NMNAT3: variants seen among roughly 807,000 people sequenced by gnomAD.
NMNAT3 encodes nicotinamide nucleotide adenylyltransferase 3.
In NMNAT3, 21 loss-of-function variants were observed where a neutral mutation model predicts 24.8. That is an observed-to-expected ratio of 0.85 (90% CI 0.60 to 1.22). NMNAT3 has a LOEUF of 1.22. Ranked by LOEUF, NMNAT3 falls within the 50% of genes most tolerant of loss-of-function variation. NMNAT3 has a pLI of 0.00. For synonymous variants in NMNAT3, 136 were observed against 155.2 expected (o/e 0.88, Z 0.92); for missense variants, 387 against 436.6 (o/e 0.89, Z 1.01).
intron 3 of NMNAT3, among the ~76,000 whole-genome samples, chr3:139,596,833 T>TTCAGGTTAG (rs568552849): frequency 1.9e-3 from 283 of 150,282 alleles, no homozygotes; most frequent in Non-Finnish European, 2.8e-3. Flanking sequence ...ATGTATATGG[T>TTCAGGTTAG]TCAGGTTAGT....
chr3:139,640,670 G>A (rs561134561), intron 1 of NMNAT3, among the ~76,000 whole-genome samples: 2 of 152,282 alleles, frequency 1.3e-5, no homozygotes, highest in South Asian at 2.1e-4. Context: ...GGAGGTGCAG[G>A]CAAGAGACAT....
At chr3:139,660,674 A>C (rs2057386245) in intron 1 of NMNAT3, among the ~76,000 whole-genome samples, 1 of 152,216 alleles carries the variant, frequency 6.6e-6, no homozygotes, top group African/African-American at 2.4e-5. Flanking sequence ...TATTAAAGAT[A>C]CTCAACACAG....
At chr3:139,639,929 C>T (rs773509887) in intron 1 of NMNAT3, among the ~76,000 whole-genome samples, 2 of 152,106 alleles carry the variant, frequency 1.3e-5, no homozygotes, top group Non-Finnish European at 2.9e-5. Flanking sequence ...TCATGAGGCC[C>T]TGACCACACT....
rs1266343929 is a variant in NMNAT3 at position 139,578,915 on chromosome 3, C to T, written c.532G>A (p.Glu178Lys). The T allele has an allele frequency of 6.2e-7, 1 of 1,614,094 alleles. No individual in the cohort carries two copies. Among genetic ancestry groups the T allele is most frequent in the African/African-American group, 1.3e-5 (1 of 74,924 alleles). Reference sequence around the variant, plus strand: ...TCCATCCACTGTGCCTGCTCACTCTCCCAAGGGTCCACCCGGATCCAGTCG... The same window carrying T: ...TCCATCCACTGTGCCTGCTCACTCTTCCAAGGGTCCACCCGGATCCAGTCG... Residue 178 changes from glutamate (E) to lysine (K), a missense_variant, in exon 5 of 7, where the codon GAG becomes AAG. Physicochemically the swap from Glu to Lys is moderately conservative, Grantham distance 56. Around this residue, in one of 3 missense-constraint regions of NMNAT3, gnomAD observed 323 missense variants for 345.2 expected, o/e 0.94. Coordinates refer to ENST00000643695, the MANE Select transcript of NMNAT3 (RefSeq NM_001320510.2).
chr3:139,625,610 C>A (rs1036197624), intron 3 of NMNAT3, among the ~76,000 whole-genome samples: 8 of 152,224 alleles, frequency 5.3e-5, no homozygotes, highest in African/African-American at 1.9e-4. Flanking sequence ...CTAGTGTTAT[C>A]ATATATTTTA....
chr3:139,655,037 TAAG>T (rs2057192190), intron 1 of NMNAT3, among the ~76,000 whole-genome samples: 1 of 152,158 alleles, frequency 6.6e-6, no homozygotes, highest in Admixed American at 6.5e-5. Context: ...AGGGGGATGC[TAAG>T]AAGAAGTAAC....
At chr3:139,598,571 A>C (rs1286200284) in intron 3 of NMNAT3, among the ~76,000 whole-genome samples, 2 of 151,744 alleles carry the variant, frequency 1.3e-5, no homozygotes, top group East Asian at 3.9e-4. Flanking sequence ...GACTGCAGGG[A>C]CTCCACTCGG....
At chr3:139,668,944 C>A (rs770107391) in intron 1 of NMNAT3, among the ~76,000 whole-genome samples, 3 of 152,144 alleles carry the variant, frequency 2.0e-5, no homozygotes, top group Non-Finnish European at 4.4e-5. Flanking sequence ...TGAATTCTTT[C>A]TACACAAATC....
At chr3:139,589,013 C>G (rs2054058769) in intron 3 of NMNAT3, among the ~76,000 whole-genome samples, 2 of 152,116 alleles carry the variant, frequency 1.3e-5, no homozygotes, top group South Asian at 4.2e-4. Context: ...AGGGCCTGAT[C>G]TGCAAACATG....
At chr3:139,626,453 G>A (rs2056055620) in intron 3 of NMNAT3, among the ~76,000 whole-genome samples, 1 of 151,850 alleles carries the variant, frequency 6.6e-6, no homozygotes, top group South Asian at 2.1e-4. Flanking sequence ...TGTTTGACTT[G>A]GGTCCTTTTA....
At chr3:139,674,511 C>T (rs1002757752) in intron 1 of NMNAT3, among the ~76,000 whole-genome samples, 7 of 152,200 alleles carry the variant, frequency 4.6e-5, no homozygotes, top group African/African-American at 1.7e-4. Flanking sequence ...AGAGCTTTGA[C>T]AGCTCAAAGT....
intron 1 of NMNAT3, among the ~76,000 whole-genome samples, chr3:139,655,744 G>A (rs2057218749): frequency 1.3e-5 from 2 of 152,238 alleles, no homozygotes; most frequent in South Asian, 2.1e-4. Flanking sequence ...AAACTAAAAT[G>A]TAAGCTTATG....
At chr3:139,631,858 A>C (rs925273517) in intron 2 of NMNAT3, among the ~76,000 whole-genome samples, 1 of 152,124 alleles carries the variant, frequency 6.6e-6, no homozygotes, top group Non-Finnish European at 1.5e-5. Context: ...TACATATTTT[A>C]TCACCTTTTT....
intron 1 of NMNAT3, among the ~76,000 whole-genome samples, chr3:139,662,291 G>T (rs1559967738): frequency 6.6e-6 from 1 of 152,020 alleles, no homozygotes; most frequent in African/African-American, 2.4e-5. Flanking sequence ...TGTAATCCTG[G>T]TTCTGTCACT....
At chr3:139,596,941 TATATATATATATATA>T (rs1444125099) in intron 3 of NMNAT3, among the ~76,000 whole-genome samples, 27 of 110,846 alleles carry the variant, frequency 2.4e-4, no homozygotes, top group African/African-American at 1.3e-3. Flanking sequence ...TATATATATA[TATATATATATATATA>T]TATATATATT....
intron 2 of NMNAT3, among the ~76,000 whole-genome samples, chr3:139,629,918 A>G (rs1236979720): frequency 1.3e-5 from 2 of 152,220 alleles, no homozygotes; most frequent in Non-Finnish European, 2.9e-5. Flanking sequence ...ATTACCTGCT[A>G]GGTACCTATA....
chr3:139,614,474 A>G (rs1057367351), intron 3 of NMNAT3, among the ~76,000 whole-genome samples: 1 of 152,234 alleles, frequency 6.6e-6, no homozygotes, highest in Non-Finnish European at 1.5e-5. Flanking sequence ...CCTTGGGCCC[A>G]CAGACCTGGG....
intron 6 of NMNAT3, among the ~76,000 whole-genome samples, chr3:139,562,831 A>C (rs1445190061): frequency 2.6e-5 from 4 of 152,242 alleles, no homozygotes; most frequent in African/African-American, 9.6e-5. Flanking sequence ...AACATATGCA[A>C]TCACAGAAAC....
chr3:139,579,256 G>C (rs994583335), intron 4 of NMNAT3, among the ~76,000 whole-genome samples: 1 of 152,110 alleles, frequency 6.6e-6, no homozygotes, highest in African/African-American at 2.4e-5. Context: ...TTCTCCTCTA[G>C]AGCCTTCTAC....
Sources: gnomAD v4.1 joint callset for allele counts (sites outside exome capture counted in the v4.1 genomes callset) on GRCh38, gnomAD v4.1.1 for gene constraint, gnomAD v4.1.1 regional missense constraint, MANE v1.5 for transcripts, NCBI Gene and HGNC (gene_info 2026-07-23, HGNC 2026-07-21) for gene names.